The following SCARA5 variants were observed in gnomAD, a reference collection of about 807,000 sequenced individuals.
SCARA5 encodes the protein scavenger receptor class A member 5.
Under a neutral mutation model 46.3 loss-of-function variants are expected in SCARA5, and 45 were observed. That is an observed-to-expected ratio of 0.97 (90% CI 0.76 to 1.24). The LOEUF is 1.24. Ranked by LOEUF, SCARA5 falls within the 50% of genes most tolerant of loss-of-function variation. The pLI is 0.00. For synonymous variants in SCARA5, 333 were observed against 306.5 expected (o/e 1.09, Z -0.90); for missense variants, 680 against 689.0 (o/e 0.99, Z 0.15).
At position 27,980,623 on chromosome 8, in the gene SCARA5, G is replaced by A. The variant is rs1053961530; in HGVS notation, c.112+6881C>T. Among the ~76,000 whole-genome samples the A allele has an allele frequency of 1.1e-4, 16 of 152,214 alleles. No homozygotes were observed. The East Asian group carries it at 1.7e-3, about 17-fold the overall frequency. Reference sequence around the variant, plus strand: ...GTACCCCCTCCCTCCTCTTCCCAACGCCTCCTGGAAACAGCAGCCTCTACC... The same window carrying A: ...GTACCCCCTCCCTCCTCTTCCCAACACCTCCTGGAAACAGCAGCCTCTACC... On this transcript the variant is annotated intron_variant, in intron 2 of 8. Transcript: ENST00000354914.
chr8:27,891,199 G>GTTTTT (rs1211256366), intron 7 of SCARA5, among the ~76,000 whole-genome samples: 2 of 43,452 alleles, frequency 4.6e-5, no homozygotes. Flanking sequence ...CAATAGGTTT[G>GTTTTT]TTTTTTTTTT....
In SCARA5 at chr8:27,871,692, C is replaced by T. The variant is rs192873105; in HGVS notation, c.*242G>A. On this transcript the variant is annotated 3_prime_UTR_variant, in exon 9 of 9. Coordinates refer to ENST00000354914, the MANE Select transcript of SCARA5 (RefSeq NM_173833.6). ...GTGGTGATCCAGTTGATCAGGGCTC[C>T]TCATGCAGGAACCTGGTGGAAGAGA... 1.5e-5 allele frequency: 21 copies of T among 1,380,952 alleles called. No homozygotes were observed. Among genetic ancestry groups the T allele is most frequent in the Non-Finnish European group, 2.0e-5 (21 of 1,066,782 alleles). The allele number at this position is 1,380,952 out of a possible 1,614,324, so 85.5% of individuals were successfully genotyped here.
In SCARA5 at chr8:27,883,094, C is replaced by A. The variant is rs569821255; in HGVS notation, c.1154-3328G>T. On this transcript the variant is annotated intron_variant, in intron 7 of 8. Transcript: ENST00000354914. The stretch of plus-strand genomic sequence containing the variant: ...TGTTCCCCCTTCTCTGAGGGCTGAG[C>A]CCCTGTCACATTGATCTCTAAACTC... Among the ~76,000 whole-genome samples, 4 of 152,346 alleles carry A rather than the reference C, an allele frequency of 2.6e-5. 1 individual carries two copies. The highest frequency in any genetic ancestry group is 9.6e-5 in the African/African-American group (4 of 41,580).
At chr8:27,965,948 G>T (rs1223743419) in intron 3 of SCARA5, among the ~76,000 whole-genome samples, 1 of 152,174 alleles carries the variant, frequency 6.6e-6, no homozygotes, top group African/African-American at 2.4e-5. Context: ...GATAGAAATT[G>T]GTAAGGAGAG....
At chr8:27,911,846 G>A (rs1215638261) in intron 4 of SCARA5, among the ~76,000 whole-genome samples, 1 of 152,186 alleles carries the variant, frequency 6.6e-6, no homozygotes, top group Non-Finnish European at 1.5e-5. Context: ...TTAAGATGAG[G>A]TTATATTGGG....
chr8:27,907,471 T>G (rs2129761737), intron 5 of SCARA5, among the ~76,000 whole-genome samples: 1 of 152,126 alleles, frequency 6.6e-6, no homozygotes, highest in Admixed American at 6.5e-5. Flanking sequence ...ATCCTCCTGC[T>G]AGAAAGGTCC....
At chr8:27,899,166 A>G (rs1267311292) in intron 7 of SCARA5, among the ~76,000 whole-genome samples, 3 of 152,264 alleles carry the variant, frequency 2.0e-5, no homozygotes, top group African/African-American at 4.8e-5. Context: ...TTGAGATTTC[A>G]TCTGAAGTCA....
intron 7 of SCARA5, among the ~76,000 whole-genome samples, chr8:27,891,560 T>A (rs1020286369): frequency 2.0e-5 from 3 of 152,146 alleles, no homozygotes; most frequent in African/African-American, 7.2e-5. Context: ...CTGGACCCCC[T>A]TAAAGTGCCT....
At chr8:27,939,875 C>T (rs1027231822) in intron 3 of SCARA5, among the ~76,000 whole-genome samples, 1 of 152,152 alleles carries the variant, frequency 6.6e-6, no homozygotes, top group Non-Finnish European at 1.5e-5. Context: ...GAATTGGAGC[C>T]CCAGACTATC....
Position 27,906,637 on chromosome 8 carries a change from C to T in SCARA5, c.1096+511G>A, listed in dbSNP as rs116287231. On this transcript the variant is annotated intron_variant, in intron 6 of 8. Coordinates refer to ENST00000354914, the MANE Select transcript of SCARA5 (RefSeq NM_173833.6). Reference sequence around the variant, plus strand: ...AGGGACTTTAGCATTTGCACACATACGTGCTTGCTCACTCCTCCTGACAGC... The same window carrying T: ...AGGGACTTTAGCATTTGCACACATATGTGCTTGCTCACTCCTCCTGACAGC... Among the ~76,000 whole-genome samples the T allele has an allele frequency of 5.3e-3, 804 of 152,332 alleles. 7 individuals carry two copies. Among genetic ancestry groups the T allele is most frequent in the African/African-American group, 0.018 (756 of 41,572 alleles).
intron 4 of SCARA5, 84 bp downstream of exon 4, chr8:27,921,487 T>C: frequency 8.2e-7 from 1 of 1,226,770 alleles, no homozygotes. Flanking sequence ...GCTGGGGTAC[T>C]CCTGGGTCCT....
intron 3 of SCARA5, among the ~76,000 whole-genome samples, chr8:27,942,452 G>T (rs1392981203): frequency 6.6e-6 from 1 of 152,174 alleles, no homozygotes; most frequent in East Asian, 1.9e-4. Context: ...TGTTAGGAAA[G>T]CTGCCCATTG....
chr8:27,945,265 G>A (rs1473266874), intron 3 of SCARA5, among the ~76,000 whole-genome samples: 1 of 151,922 alleles, frequency 6.6e-6, no homozygotes, highest in Non-Finnish European at 1.5e-5. Flanking sequence ...CTCTATGAAC[G>A]TAACTTTGAT....
chr8:27,904,504 C>T (rs62496800), intron 7 of SCARA5: 66,990 of 548,256 alleles, frequency 0.12, 5,272 homozygotes, highest in East Asian at 0.31. Context: ...AGAGATTATA[C>T]CAGCTGGGCT....
intron 2 of SCARA5, among the ~76,000 whole-genome samples, chr8:27,985,254 G>A (rs1808688821): frequency 6.6e-6 from 1 of 152,160 alleles, no homozygotes; most frequent in Non-Finnish European, 1.5e-5. Flanking sequence ...TGGGAGCTGA[G>A]CTAAGTCCTG....
intron 3 of SCARA5, among the ~76,000 whole-genome samples, chr8:27,956,425 A>G (rs896509964): frequency 6.6e-6 from 1 of 152,214 alleles, no homozygotes; most frequent in African/African-American, 2.4e-5. Flanking sequence ...ACTTCTCAGA[A>G]ACCTCTATTC....
chr8:27,873,718 A>C (rs7830522), intron 8 of SCARA5, among the ~76,000 whole-genome samples: 23,206 of 152,192 alleles, frequency 0.15, 1,842 homozygotes, highest in East Asian at 0.3. Flanking sequence ...AAAAGAAAAA[A>C]AAGAAAGAAA....
chr8:27,878,535 T>A (rs1806760153), intron 8 of SCARA5, among the ~76,000 whole-genome samples: 1 of 152,100 alleles, frequency 6.6e-6, no homozygotes, highest in Non-Finnish European at 1.5e-5. Context: ...CTGTAGGAGG[T>A]CAGTGTGCTT....
intron 4 of SCARA5, 51 bp downstream of exon 4, chr8:27,921,520 A>G (rs1446513501): frequency 2.1e-6 from 3 of 1,460,390 alleles, no homozygotes; most frequent in South Asian, 1.4e-5. Context: ...TGCAGGAGGA[A>G]GACCCCATCA....
Sources: gnomAD v4.1 joint callset for allele counts (sites outside exome capture counted in the v4.1 genomes callset) on GRCh38, gnomAD v4.1.1 for gene constraint, MANE v1.5 for transcripts, NCBI Gene and HGNC (gene_info 2026-07-23, HGNC 2026-07-21) for gene names.